The following WASHC4 variants were observed in gnomAD, a reference collection of about 807,000 sequenced individuals.
The protein encoded by WASHC4 is WASH complex subunit 4, also known as WASH complex subunit 7.
WASHC4 carries 86 observed loss-of-function variants against 166.6 expected under a neutral mutation model. The observed-to-expected ratio is 0.52, with a 90% CI of 0.43 to 0.62. The LOEUF is 0.62. Ranked by LOEUF, WASHC4 falls within the 20% of genes least tolerant of loss-of-function variation. The pLI, the probability that WASHC4 is intolerant of heterozygous loss-of-function variation, is 0.00. For synonymous variants in WASHC4, 446 were observed against 451.6 expected (o/e 0.99, Z 0.16); for missense variants, 1,262 against 1,382.4 (o/e 0.91, Z 1.38).
intron 29 of WASHC4, among the ~76,000 whole-genome samples, chr12:105,161,380 A>G (rs113243390): frequency 2.1e-4 from 32 of 152,338 alleles, no homozygotes; most frequent in African/African-American, 7.2e-4. Context: ...TCATCTTAAG[A>G]TAGTGTCAAA....
chr12:105,139,413 A>ATGTGTGTGTGTGTGTG (rs1374833618), intron 15 of WASHC4, among the ~76,000 whole-genome samples: 1 of 69,324 alleles, frequency 1.4e-5, no homozygotes, highest in African/African-American at 7.2e-5. Context: ...CAGACTATAT[A>ATGTGTGTGTGTGTGTG]TATGTGTGTG....
At chr12:105,143,873 C>A (rs74473469) in intron 20 of WASHC4, among the ~76,000 whole-genome samples, 20 of 151,948 alleles carry the variant, frequency 1.3e-4, no homozygotes, top group African/African-American at 4.3e-4. Flanking sequence ...AAATAAAATA[C>A]ATGCCTGGAT....
At chr12:105,148,716 T>G (rs1883506837) in intron 24 of WASHC4, 1 of 985,174 alleles carries the variant, frequency 1.0e-6, no homozygotes, top group Non-Finnish European at 1.2e-6. Flanking sequence ...GAATACTGAG[T>G]AAAACGGGCA....
At chr12:105,113,113 A>C (rs917684636) in intron 2 of WASHC4, among the ~76,000 whole-genome samples, 1 of 152,120 alleles carries the variant, frequency 6.6e-6, no homozygotes, top group African/African-American at 2.4e-5. Context: ...TTCTGTGAGA[A>C]TCATTGTATG....
intron 16 of WASHC4, 133 bp downstream of exon 16, chr12:105,140,534 C>G: frequency 1.4e-6 from 1 of 711,434 alleles, no homozygotes; most frequent in South Asian, 1.7e-5. Flanking sequence ...TTATTTATCT[C>G]CATAGTATTT....
chr12:105,122,466 AT>A, intron 10 of WASHC4, among the ~76,000 whole-genome samples: 1 of 151,748 alleles, frequency 6.6e-6, no homozygotes, highest in East Asian at 1.9e-4. Flanking sequence ...AATTATGTAA[AT>A]GGATAAAAAT....
chr12:105,119,305 CA>C (rs35358536), intron 7 of WASHC4, among the ~76,000 whole-genome samples: 25,759 of 152,086 alleles, frequency 0.17, 2,427 homozygotes, highest in East Asian at 0.25. Context: ...AATAATATCT[CA>C]TTTGATTAGT....
rs770256891 is a variant in WASHC4, at chr12:105,115,165, AT to A, written c.322-12del. 13 of 1,342,444 alleles carry A rather than the reference AT, an allele frequency of 9.7e-6. No homozygotes were observed. Among genetic ancestry groups the A allele is most frequent in the African/African-American group, 5.8e-5 (4 of 69,158 alleles). The allele number at this position is 1,342,444 out of a possible 1,614,324, so 83.2% of individuals were successfully genotyped here. ...CAAAACAACCTTTAAAATTATTTTAATTTTTTTCTTAAAAACAGGCTGAAAC... is the reference window on the plus strand; with the variant it reads ...CAAAACAACCTTTAAAATTATTTTAATTTTTTCTTAAAAACAGGCTGAAAC... On this transcript the variant is annotated intron_variant, in intron 4 of 32. Transcript: ENST00000332180.
chr12:105,132,551 G>T (rs575450552), intron 13 of WASHC4, among the ~76,000 whole-genome samples: 1 of 152,314 alleles, frequency 6.6e-6, no homozygotes, highest in East Asian at 1.9e-4. Flanking sequence ...ATGAGACTGA[G>T]TTGGGAAACA....
chr12:105,134,614 T>C (rs996547436), intron 14 of WASHC4, among the ~76,000 whole-genome samples: 5 of 152,124 alleles, frequency 3.3e-5, no homozygotes, highest in African/African-American at 1.2e-4. Context: ...CTTTTTGTTG[T>C]AGGTCTCTTT....
chr12:105,144,771 C>T lies in WASHC4; in HGVS notation c.2233C>T (p.Leu745Phe). ...TTTCTACAATCTAACAACTGTAGCC[C>T]TTCATGACTGGGCCACTTATAGTGA... Reference protein sequence around the residue: ...KTFYNLTTVALHDWATYSEMR... With the variant: ...KTFYNLTTVAFHDWATYSEMR... Residue 745 changes from leucine to phenylalanine, a missense_variant, in exon 22 of 33, where the codon CTT becomes TTT. Coordinates refer to ENST00000332180, the MANE Select transcript of WASHC4 (RefSeq NM_015275.3). The T allele has an allele frequency of 1.2e-6, 2 of 1,612,876 alleles. No individual in the cohort carries two copies. The highest frequency in any genetic ancestry group is 1.7e-5 in the Admixed American group (1 of 59,970).
chr12:105,148,891 T>C (rs1883516744), intron 24 of WASHC4: 1 of 985,442 alleles, frequency 1.0e-6, no homozygotes. Context: ...TTTACTGTGC[T>C]ATTTTGACTT....
At position 105,127,306 on chromosome 12, in the gene WASHC4, A is replaced by G. The variant is rs749077723; in HGVS notation, c.1199+17A>G. ...ACTTACCAAGTAGGTTTTATAAACAAGTATAATGAAAATATTTAGATATCC... is the reference window on the plus strand; with the variant it reads ...ACTTACCAAGTAGGTTTTATAAACAGGTATAATGAAAATATTTAGATATCC... On this transcript the variant is annotated intron_variant, in intron 13 of 32. Transcript: ENST00000332180. 4.0e-6 allele frequency: 6 copies of G among 1,514,760 alleles called. No individual in the cohort carries two copies. Among genetic ancestry groups the G allele is most frequent in the Middle Eastern group, 1.7e-4 (1 of 5,872 alleles). 93.8% of individuals were successfully genotyped at this position (1,514,760 alleles called of 1,614,324 possible). A position where few individuals can be genotyped will look rare whatever the true frequency, so the allele number is the denominator to read the frequency against.
chr12:105,108,613 T>C (rs1879316537), intron 1 of WASHC4, among the ~76,000 whole-genome samples: 1 of 152,226 alleles, frequency 6.6e-6, no homozygotes, highest in South Asian at 2.1e-4. Context: ...CAGTAAAATA[T>C]TGAGGCCAAA....
At chr12:105,119,280 G>A (rs1467431048) in intron 7 of WASHC4, among the ~76,000 whole-genome samples, 1 of 151,690 alleles carries the variant, frequency 6.6e-6, no homozygotes, top group African/African-American at 2.4e-5. Flanking sequence ...TAGAGCTCTT[G>A]CAGTTTTACC....
At chr12:105,158,022 A>G (rs935373756) in intron 28 of WASHC4, among the ~76,000 whole-genome samples, 1 of 152,194 alleles carries the variant, frequency 6.6e-6, no homozygotes, top group African/African-American at 2.4e-5. Context: ...CAAGGGGGAG[A>G]CAATTTGATC....
In WASHC4 at chr12:105,167,155, C is replaced by T. The variant is rs975351655; in HGVS notation, c.*224C>T. ...TTTTAAAATTGGATTTTTGCCTGGA[C>T]TTGAGGGTACAAGATGTTTCTATTT... On this transcript the variant is annotated 3_prime_UTR_variant, in exon 33 of 33. Coordinates refer to ENST00000332180, the MANE Select transcript of WASHC4 (RefSeq NM_015275.3). 1.2e-4 allele frequency: 62 copies of T among 512,648 alleles called. No individual in the cohort carries two copies. The Admixed American group carries it at 1.8e-3, about 15-fold the overall frequency. The allele number at this position is 512,648 out of a possible 1,614,324, so 31.8% of individuals were successfully genotyped here. A position where few individuals can be genotyped will look rare whatever the true frequency, so the allele number is the denominator to read the frequency against.
Position 105,164,244 on chromosome 12 carries a change from T to G in WASHC4, c.3291T>G (p.Ser1097Arg). 1 of 1,614,090 alleles carries G rather than the reference T, an allele frequency of 6.2e-7. No individual in the cohort carries two copies. The highest frequency in any genetic ancestry group is 8.5e-7 in the Non-Finnish European group (1 of 1,179,966). Residue 1097 changes from serine (S) to arginine (R), a missense_variant, in exon 31 of 33, where the codon AGT (serine) becomes AGG (arginine). Physicochemically the swap from Ser to Arg is moderately radical, Grantham distance 110. Transcript: ENST00000332180. ...VAKQQNVQSA[S>R]QDEKLLQTMN... ...AGCAACAGAATGTACAGTCAGCCAG[T>G]CAAGATGAAAAACTCTTACAAACCA...
At chr12:105,108,182 C>A (rs902982692) in intron 1 of WASHC4, among the ~76,000 whole-genome samples, 2 of 152,204 alleles carry the variant, frequency 1.3e-5, no homozygotes, top group Admixed American at 1.3e-4. Flanking sequence ...GGAGGCCCAG[C>A]GGCCCCGGGA....
Sources: allele counts gnomAD v4.1 joint callset (sites outside exome capture counted in the v4.1 genomes callset), GRCh38; gene constraint gnomAD v4.1.1; transcripts MANE v1.5; gene names NCBI Gene and HGNC (gene_info 2026-07-23, HGNC 2026-07-21).